The following POU3F3 variants were observed in gnomAD, a reference collection of about 807,000 sequenced individuals.
The protein encoded by POU3F3 is POU class 3 homeobox 3.
A neutral mutation model predicts 8.6 loss-of-function variants in POU3F3; 1 was observed. That is an observed-to-expected ratio of 0.12 (90% CI 0.04 to 0.55). The LOEUF is 0.55. POU3F3 is among the 20% of genes least tolerant of loss of function. The probability of loss-of-function intolerance (pLI) is 0.91; values close to 1 mark genes in which losing one functional copy is unlikely to be tolerated. For missense variants in POU3F3, 577 were observed against 690.7 expected (o/e 0.84, Z 1.84); for synonymous variants, 418 against 327.4 (o/e 1.28, Z -2.99).
At position 104,855,840 on chromosome 2, in the gene POU3F3, T is replaced by TGCC. The variant is rs781161822; in HGVS notation, c.344_346dup (p.Ala115dup). 4.0e-5 allele frequency: 43 copies of TGCC among 1,074,988 alleles called. No homozygotes were observed. Among genetic ancestry groups the TGCC allele is most frequent in the South Asian group, 1.5e-4 (5 of 33,872 alleles). The allele number at this position is 1,074,988 out of a possible 1,614,324, so 66.6% of individuals were successfully genotyped here. Reference sequence around the variant, plus strand: ...CCCACGCCGCCGCCGCCGCCGCCGCTGCCGCCGCCGCCGCCGTGGAGGCGA... The same window carrying TGCC: ...CCCACGCCGCCGCCGCCGCCGCCGCTGCCGCCGCCGCCGCCGCCGTGGAGGCGA... On this transcript the variant is annotated inframe_insertion, in exon 1 of 1. Coordinates refer to ENST00000361360, the MANE Select transcript of POU3F3 (RefSeq NM_006236.3).
At chr2:104,919,342 T>C in the POU3F3 span, among the ~76,000 whole-genome samples, 2 of 152,218 alleles carry the variant, frequency 1.3e-5, no homozygotes, top group East Asian at 3.9e-4. Flanking sequence ...ATTCCTTCTG[T>C]GGCAGCATCT....
chr2:104,869,244 T>C, the POU3F3 span, among the ~76,000 whole-genome samples: 1 of 152,194 alleles, frequency 6.6e-6, no homozygotes, highest in African/African-American at 2.4e-5. Flanking sequence ...ACAAACTCAT[T>C]TATATTTATT....
At chr2:104,912,298 G>A in the POU3F3 span, among the ~76,000 whole-genome samples, 1 of 152,192 alleles carries the variant, frequency 6.6e-6, no homozygotes, top group Non-Finnish European at 1.5e-5. Flanking sequence ...GGCTGGGGAA[G>A]CCTCCATCGT....
downstream of POU3F3, among the ~76,000 whole-genome samples, chr2:104,860,535 C>G (rs1018541331): frequency 5.3e-5 from 8 of 151,952 alleles, no homozygotes; most frequent in South Asian, 1.7e-3. Context: ...TTCAATCCAA[C>G]CCCCCCTCCC....
chr2:104,867,902 A>T, the POU3F3 span: 1 of 211,072 alleles, frequency 4.7e-6, no homozygotes, highest in Admixed American at 5.2e-5. The surrounding 1 kb of genome is among the most constrained non-coding windows in gnomAD (Gnocchi z 5.0). Context: ...AAGGCTGCGC[A>T]CTCCGCCCCC....
chr2:104,865,550 G>A, the POU3F3 span: 1 of 152,196 alleles, frequency 6.6e-6, no homozygotes, highest in African/African-American at 2.4e-5. Context: ...CCACACATTA[G>A]CTCTGTCCTG....
chr2:104,869,927 G>A, the POU3F3 span: 1 of 152,234 alleles, frequency 6.6e-6, no homozygotes, highest in Admixed American at 6.5e-5. Flanking sequence ...GGTCCTCTGA[G>A]TTCTCAGGGT....
Position 104,855,655 on chromosome 2 carries a change from G to A in POU3F3, c.145G>A (p.Gly49Ser), listed in dbSNP as rs1676544251. ...CGGGGGCGGCGCAGGGGGCGGGGGCGGCGGCATGCAGCCGGGCAGCGCCGC... is the reference window on the plus strand; with the variant it reads ...CGGGGGCGGCGCAGGGGGCGGGGGCAGCGGCATGCAGCCGGGCAGCGCCGC... ...GGGGGAGGGG[G>S]GMQPGSAAVT... Residue 49 changes from glycine to serine, a missense_variant, in exon 1 of 1, where the codon GGC (glycine) becomes AGC (serine). Gly to Ser is a moderately conservative substitution (Grantham distance 56). Transcript: ENST00000361360. The A allele has an allele frequency of 2.0e-6, 2 of 1,020,324 alleles. No homozygotes were observed. Among genetic ancestry groups the A allele is most frequent in the Non-Finnish European group, 1.2e-6 (1 of 851,040 alleles). The allele number at this position is 1,020,324 out of a possible 1,614,324, so 63.2% of individuals were successfully genotyped here.
the POU3F3 span, chr2:104,872,637 G>A: frequency 3.7e-6 from 1 of 268,070 alleles, no homozygotes; most frequent in Non-Finnish European, 7.2e-6. The surrounding 1 kb of genome is among the most constrained non-coding windows in gnomAD (Gnocchi z 4.6). Context: ...CCAGGCCGCG[G>A]GCTCCCCTCC....
chr2:104,925,285 T>C, the POU3F3 span, among the ~76,000 whole-genome samples: 3 of 152,216 alleles, frequency 2.0e-5, no homozygotes, highest in Non-Finnish European at 2.9e-5. Flanking sequence ...GAACACTTTG[T>C]TGATTTGTAT....
chr2:104,873,272 G>A, the POU3F3 span, among the ~76,000 whole-genome samples: 1 of 152,174 alleles, frequency 6.6e-6, no homozygotes, highest in African/African-American at 2.4e-5. Context: ...TTCCGCCCGC[G>A]CACCGCGGTC....
At chr2:104,896,238 C>T in the POU3F3 span, among the ~76,000 whole-genome samples, 1 of 152,200 alleles carries the variant, frequency 6.6e-6, no homozygotes, top group Non-Finnish European at 1.5e-5. Context: ...TAGACCTAAA[C>T]CTGGCTGGGT....
chr2:104,901,469 C>A, the POU3F3 span, among the ~76,000 whole-genome samples: 1 of 152,168 alleles, frequency 6.6e-6, no homozygotes, highest in Non-Finnish European at 1.5e-5. Context: ...AGGCGCACTG[C>A]CAACAGAGGT....
the POU3F3 span, among the ~76,000 whole-genome samples, chr2:104,916,254 A>G: frequency 6.6e-6 from 1 of 152,238 alleles, no homozygotes; most frequent in African/African-American, 2.4e-5. Context: ...TACATTATCT[A>G]TCTAACTAGA....
chr2:104,871,589 G>A, the POU3F3 span, among the ~76,000 whole-genome samples: 1 of 152,184 alleles, frequency 6.6e-6, no homozygotes, highest in Admixed American at 6.5e-5. Flanking sequence ...ACGGAAGCCA[G>A]CCATTTGCAG....
chr2:104,910,167 G>A, the POU3F3 span, among the ~76,000 whole-genome samples: 2 of 152,112 alleles, frequency 1.3e-5, no homozygotes, highest in Non-Finnish European at 2.9e-5. Context: ...ACAGACTCAA[G>A]CACTAAAAAT....
At position 104,856,964 on chromosome 2, in the gene POU3F3, G is replaced by A. The variant is rs755952227; in HGVS notation, c.1454G>A (p.Ser485Asn). Residue 485 changes from serine to asparagine, a missense_variant, in exon 1 of 1, where the codon AGC becomes AAC. Transcript: ENST00000361360. The part of the protein sequence containing the change: ...DDVYSQVGTV[S>N]ADTPPPHHGL... Reference sequence around the variant, plus strand: ...GTCTACTCGCAGGTGGGCACCGTGAGCGCCGACACGCCGCCGCCTCACCAC... The same window carrying A: ...GTCTACTCGCAGGTGGGCACCGTGAACGCCGACACGCCGCCGCCTCACCAC... 10 of 1,611,366 alleles carry A rather than the reference G, an allele frequency of 6.2e-6. No individual in the cohort carries two copies. Among genetic ancestry groups the A allele is most frequent in the African/African-American group, 1.3e-5 (1 of 74,892 alleles).
chr2:104,870,377 G>A, the POU3F3 span, among the ~76,000 whole-genome samples: 168 of 152,310 alleles, frequency 1.1e-3, no homozygotes, highest in South Asian at 2.1e-3. Context: ...AAAACTTTTC[G>A]CTGCTTAGCA....
the POU3F3 span, chr2:104,867,308 T>G: frequency 6.6e-6 from 1 of 152,094 alleles, no homozygotes; most frequent in Non-Finnish European, 1.5e-5. This position sits in a 1 kb window ranked among gnomAD's most constrained non-coding sequence, Gnocchi z 5.0. Flanking sequence ...CCGGGCCCTC[T>G]CCGCTGGGGG....
Sources: allele counts gnomAD v4.1 joint callset (sites outside exome capture counted in the v4.1 genomes callset), GRCh38; gene constraint gnomAD v4.1.1; non-coding constraint Gnocchi (gnomAD v3.1); transcripts MANE v1.5; gene names NCBI Gene and HGNC (gene_info 2026-07-23, HGNC 2026-07-21).